KLF12: variants seen among roughly 807,000 people sequenced by gnomAD.
KLF12 encodes the protein Krueppel-like factor 12.
Under a neutral mutation model 37.8 loss-of-function variants are expected in KLF12, and 9 were observed. The ratio of observed to expected loss-of-function variants is 0.24; its 90% confidence interval spans 0.14 to 0.42. KLF12 has a LOEUF of 0.42. Ranked by LOEUF, KLF12 falls within the 10% of genes least tolerant of loss-of-function variation. KLF12 has a pLI of 1.00. For missense variants in KLF12, 411 were observed against 516.0 expected (o/e 0.80, Z 1.97); for synonymous variants, 208 against 202.1 (o/e 1.03, Z -0.25).
At chr13:73,946,371 TG>T (rs1193308651) in intron 2 of KLF12, among the ~76,000 whole-genome samples, 3 of 152,224 alleles carry the variant, frequency 2.0e-5, no homozygotes, top group Non-Finnish European at 2.9e-5. Context: ...CCCCACTGGC[TG>T]TGATAAACTC....
chr13:74,260,628 T>TAG, the KLF12 span, among the ~76,000 whole-genome samples: 9 of 139,984 alleles, frequency 6.4e-5, no homozygotes, highest in African/African-American at 2.2e-4. Context: ...TAAAATAAAA[T>TAG]AGTGAATTAA....
chr13:74,249,155 AT>A, the KLF12 span, among the ~76,000 whole-genome samples: 21 of 150,346 alleles, frequency 1.4e-4, no homozygotes, highest in East Asian at 1.9e-4. Context: ...CTGCCTCAAG[AT>A]TTTTTTTTTA....
chr13:74,304,803 T>C, the KLF12 span, among the ~76,000 whole-genome samples: 2 of 152,012 alleles, frequency 1.3e-5, no homozygotes, highest in African/African-American at 4.8e-5. Flanking sequence ...TAGAGAGTTG[T>C]GAAGTTTTTG....
At chr13:73,696,575 G>C (rs1874169240) in intron 7 of KLF12, among the ~76,000 whole-genome samples, 1 of 152,144 alleles carries the variant, frequency 6.6e-6, no homozygotes, top group South Asian at 2.1e-4. Flanking sequence ...CACAAAAACT[G>C]ATCTCTCTTC....
At chr13:73,725,830 A>AATGT (rs1876615919) in intron 6 of KLF12, among the ~76,000 whole-genome samples, 1 of 136,490 alleles carries the variant, frequency 7.3e-6, no homozygotes, top group East Asian at 2.2e-4. Context: ...CATATTTCAA[A>AATGT]ATGTATTTAT....
chr13:74,256,110 G>A, the KLF12 span, among the ~76,000 whole-genome samples: 127 of 150,266 alleles, frequency 8.5e-4, no homozygotes, highest in South Asian at 0.013. Flanking sequence ...AGGGGAGATC[G>A]CGCCACTGCA....
At position 74,071,355 on chromosome 13, in the gene KLF12, C is replaced by T. The variant is rs189356242; in HGVS notation, c.-32+62384G>A. Among the ~76,000 whole-genome samples, 981 of 152,034 alleles carry T rather than the reference C, an allele frequency of 6.5e-3. 7 individuals carry two copies. The highest frequency in any genetic ancestry group is 7.3e-3 in the Non-Finnish European group (495 of 67,968). On this transcript the variant is annotated intron_variant, in intron 1 of 7. Transcript: ENST00000377669. Reference sequence around the variant, plus strand: ...TATGGCAGGTGTTAAACCTATAATCCGCAAGACTAAAATTTTTTAAAACTT... The same window carrying T: ...TATGGCAGGTGTTAAACCTATAATCTGCAAGACTAAAATTTTTTAAAACTT...
the KLF12 span, among the ~76,000 whole-genome samples, chr13:74,205,885 G>T: frequency 6.6e-6 from 1 of 152,102 alleles, no homozygotes; most frequent in Non-Finnish European, 1.5e-5. Flanking sequence ...GAAAATTGAT[G>T]AATATGAACC....
intron 1 of KLF12, among the ~76,000 whole-genome samples, chr13:74,096,662 C>T (rs76394992): frequency 0.012 from 1,887 of 152,234 alleles, 35 homozygotes; most frequent in African/African-American, 0.042. Context: ...GAAAACTCTA[C>T]CAGTGTCATT....
intron 4 of KLF12, among the ~76,000 whole-genome samples, chr13:73,845,339 A>G (rs1195081036): frequency 6.6e-6 from 1 of 152,228 alleles, no homozygotes; most frequent in East Asian, 1.9e-4. Context: ...GGTTACTCAA[A>G]AGTGAATGAT....
intron 6 of KLF12, among the ~76,000 whole-genome samples, chr13:73,721,536 T>C (rs746534877): frequency 1.3e-5 from 2 of 152,128 alleles, no homozygotes; most frequent in Non-Finnish European, 2.9e-5. Flanking sequence ...AAAGAAAGTA[T>C]TTTCTTTTCT....
intron 4 of KLF12, among the ~76,000 whole-genome samples, chr13:73,832,207 T>G (rs1056333551): frequency 6.6e-6 from 1 of 152,216 alleles, no homozygotes; most frequent in Non-Finnish European, 1.5e-5. Flanking sequence ...TCATTCTTTG[T>G]GTGCCCTCCA....
chr13:74,158,507 T>G, the KLF12 span, among the ~76,000 whole-genome samples: 1 of 152,262 alleles, frequency 6.6e-6, no homozygotes, highest in African/African-American at 2.4e-5. Context: ...TTTCCTGAAC[T>G]TCTGAACTTG....
chr13:73,924,126 G>A (rs1889258510), intron 3 of KLF12, among the ~76,000 whole-genome samples: 1 of 152,224 alleles, frequency 6.6e-6, no homozygotes, highest in Non-Finnish European at 1.5e-5. Context: ...GTGTAAAGTA[G>A]GACTCAGGTA....
the KLF12 span, among the ~76,000 whole-genome samples, chr13:74,209,314 T>C: frequency 6.6e-6 from 1 of 152,086 alleles, no homozygotes; most frequent in East Asian, 1.9e-4. Context: ...CCCAGTTCTC[T>C]TCATTTTTTT....
chr13:73,702,547 T>G (rs1672514066), intron 7 of KLF12, among the ~76,000 whole-genome samples: 1 of 152,170 alleles, frequency 6.6e-6, no homozygotes, highest in South Asian at 2.1e-4. Flanking sequence ...AAAACATCCA[T>G]GTTCTCATCA....
chr13:73,778,406 G>T (rs1421611214), intron 5 of KLF12, among the ~76,000 whole-genome samples: 1 of 152,108 alleles, frequency 6.6e-6, no homozygotes, highest in African/African-American at 2.4e-5. Context: ...GGTCATAGAG[G>T]CTGGAGCGCA....
chr13:74,275,879 T>TTCTC, the KLF12 span, among the ~76,000 whole-genome samples: 1 of 11,330 alleles, frequency 8.8e-5, no homozygotes, highest in Non-Finnish European at 2.1e-4. Flanking sequence ...TCTTTCTTTC[T>TTCTC]TCTTTCTTTC....
intron 6 of KLF12, among the ~76,000 whole-genome samples, chr13:73,755,630 T>A (rs1036421466): frequency 1.3e-5 from 2 of 151,902 alleles, no homozygotes; most frequent in Non-Finnish European, 2.9e-5. Flanking sequence ...TTTTTTTTTT[T>A]ATTTCAATGG....
Sources: gnomAD v4.1 joint callset for allele counts (sites outside exome capture counted in the v4.1 genomes callset) on GRCh38, gnomAD v4.1.1 for gene constraint, MANE v1.5 for transcripts, NCBI Gene and HGNC (gene_info 2026-07-23, HGNC 2026-07-21) for gene names.